The following WTAP variants were observed in gnomAD, a reference collection of about 807,000 sequenced individuals.
The protein encoded by WTAP is WT1 associated protein, also known as pre-mRNA-splicing regulator WTAP.
In WTAP, 8 loss-of-function variants were observed where a neutral mutation model predicts 50.0. That is an observed-to-expected ratio of 0.16 (90% CI 0.09 to 0.29). The LOEUF (loss-of-function observed/expected upper bound fraction) is 0.29. WTAP is among the 10% of genes least tolerant of loss of function. WTAP has a pLI of 1.00. For synonymous variants in WTAP, 194 were observed against 169.0 expected, an observed-to-expected ratio of 1.15 and a Z score of -1.15; for missense variants, 295 against 470.7, an observed-to-expected ratio of 0.63 and a Z score of 3.45.
intron 4 of WTAP, 29 bp from the exon 5 acceptor site, chr6:159,743,636 G>A (rs1347326685): frequency 6.4e-7 from 1 of 1,564,176 alleles, no homozygotes. Context: ...TCTTAAAATT[G>A]TATTTATAAT....
At chr6:159,727,837 C>T (rs1044371635) in intron 1 of WTAP, 134 bp downstream of exon 1, 6 of 605,166 alleles carry the variant, frequency 9.9e-6, no homozygotes, top group Non-Finnish European at 6.2e-6. Flanking sequence ...GCACCGGTCT[C>T]TCGTGAGCCG....
At chr6:159,750,043 G>A (rs752957851) in intron 6 of WTAP, among the ~76,000 whole-genome samples, 47 of 152,324 alleles carry the variant, frequency 3.1e-4, no homozygotes, top group Non-Finnish European at 6.2e-4. Flanking sequence ...TTAGGGAACT[G>A]ATTGTGGGGC....
chr6:159,752,273 ATG>A (rs1779847836), intron 6 of WTAP, among the ~76,000 whole-genome samples: 2 of 152,228 alleles, frequency 1.3e-5, no homozygotes, highest in Non-Finnish European at 2.9e-5. Context: ...AAGGACAAGA[ATG>A]TCACACTGTC....
At chr6:159,735,608 G>C (rs924374783) in intron 1 of WTAP, among the ~76,000 whole-genome samples, 3 of 152,112 alleles carry the variant, frequency 2.0e-5, no homozygotes, top group Admixed American at 6.5e-5. Context: ...AATGAGCCAG[G>C]TGTGGTGGCA....
chr6:159,747,454 A>C (rs542562737), intron 5 of WTAP, among the ~76,000 whole-genome samples: 1 of 152,210 alleles, frequency 6.6e-6, no homozygotes, highest in Admixed American at 6.5e-5. Flanking sequence ...TTACAATTCT[A>C]TGATTCGGAT....
intron 1 of WTAP, among the ~76,000 whole-genome samples, chr6:159,732,612 A>G (rs1215136096): frequency 6.6e-6 from 1 of 152,170 alleles, no homozygotes; most frequent in Non-Finnish European, 1.5e-5. Flanking sequence ...AAGCAGGTGG[A>G]TTACCTGAGG....
chr6:159,755,744 T>C lies in WTAP; in HGVS notation c.*133T>C, dbSNP rs1331470743. The C allele has an allele frequency of 8.1e-5, 96 of 1,188,660 alleles. No homozygotes were observed. The highest frequency in any genetic ancestry group is 5.9e-4 in the South Asian group (17 of 28,766). 73.6% of individuals were successfully genotyped at this position (1,188,660 alleles called of 1,614,324 possible). A position where few individuals can be genotyped will look rare whatever the true frequency, so the allele number is the denominator to read the frequency against. On this transcript the variant is annotated 3_prime_UTR_variant, in exon 8 of 8. Coordinates refer to ENST00000621533, the MANE Select transcript of WTAP (RefSeq NM_001270531.2). ...TTTGGTTTTTTTTTGTTGTTTTTTTTCTTTGTTTTTTTTTTCTTTTCTTTT... is the reference window on the plus strand; with the variant it reads ...TTTGGTTTTTTTTTGTTGTTTTTTTCCTTTGTTTTTTTTTTCTTTTCTTTT...
Position 159,748,438 on chromosome 6 carries a change from AG to A in WTAP, c.452+70del. On this transcript the variant is annotated intron_variant, in intron 6 of 7. Transcript: ENST00000621533. This position sits in a 1 kb window ranked among gnomAD's most constrained non-coding sequence, Gnocchi z 5.6. Reference sequence around the variant, plus strand: ...CACTACGAGAAAGCTGTGGTGGGACAGCCAAGTACTCGTTTCCACACCAAGA... The same window carrying A: ...CACTACGAGAAAGCTGTGGTGGGACACCAAGTACTCGTTTCCACACCAAGA... 1.3e-6 allele frequency: 2 copies of A among 1,579,936 alleles called. No homozygotes were observed. Among genetic ancestry groups the A allele is most frequent in the Non-Finnish European group, 1.7e-6 (2 of 1,161,696 alleles).
chr6:159,749,111 A>G (rs1167536175), intron 6 of WTAP: 2 of 986,242 alleles, frequency 2.0e-6, no homozygotes, highest in Non-Finnish European at 2.4e-6. Context: ...TGTTCTTTGA[A>G]TGGTTGCAAA....
intron 1 of WTAP, among the ~76,000 whole-genome samples, chr6:159,734,333 T>A (rs115086776): frequency 0.015 from 2,229 of 146,596 alleles, 53 homozygotes; most frequent in African/African-American, 0.053. Flanking sequence ...TTCGAGATGA[T>A]GCCACAGCAC....
At chr6:159,742,832 GA>G (rs1779342635) in intron 4 of WTAP, among the ~76,000 whole-genome samples, 2 of 151,876 alleles carry the variant, frequency 1.3e-5, no homozygotes, top group African/African-American at 4.8e-5. Flanking sequence ...AAGGTGGGAA[GA>G]TCACTTGAGC....
chr6:159,754,717 GAAA>G (rs374510963), intron 7 of WTAP, among the ~76,000 whole-genome samples: 4 of 151,828 alleles, frequency 2.6e-5, no homozygotes, highest in East Asian at 1.9e-4. Context: ...ATAATGACAA[GAAA>G]AAAAATCTGT....
At position 159,755,511 on chromosome 6, in the gene WTAP, A is replaced by T. The variant is rs1299060279; in HGVS notation, c.1091A>T (p.Glu364Val). 1.2e-6 allele frequency: 2 copies of T among 1,614,164 alleles called. No homozygotes were observed. The highest frequency in any genetic ancestry group is 1.7e-6 in the Non-Finnish European group (2 of 1,180,030). The part of the protein sequence containing the change: ...NDTDSSHDPQ[E>V]EKAVSGKGNR... Reference sequence around the variant, plus strand: ...ACAGACTCCAGTCATGACCCTCAAGAGGAGAAAGCAGTGAGTGGGAAAGGT... The same window carrying T: ...ACAGACTCCAGTCATGACCCTCAAGTGGAGAAAGCAGTGAGTGGGAAAGGT... The change falls in exon 8 of 8, where the codon GAG (glutamate) becomes GTG (valine). Residue 364 changes from glutamate (E) to valine (V), a missense_variant. Coordinates refer to ENST00000621533, the MANE Select transcript of WTAP (RefSeq NM_001270531.2).
chr6:159,750,187 C>T (rs1374699444), intron 6 of WTAP, among the ~76,000 whole-genome samples: 1 of 152,082 alleles, frequency 6.6e-6, no homozygotes, highest in African/African-American at 2.4e-5. Context: ...TGCATTAAGG[C>T]TTTTGTAAAT....
chr6:159,732,260 G>A (rs986604558), intron 1 of WTAP, among the ~76,000 whole-genome samples: 1 of 152,074 alleles, frequency 6.6e-6, no homozygotes, highest in Non-Finnish European at 1.5e-5. Flanking sequence ...AATTTATATT[G>A]AACAGCATCC....
At chr6:159,729,468 C>T (rs1324855187) in intron 1 of WTAP, among the ~76,000 whole-genome samples, 4 of 152,138 alleles carry the variant, frequency 2.6e-5, no homozygotes, top group Admixed American at 2.6e-4. Context: ...AAATATATTG[C>T]TGTAAATATT....
intron 5 of WTAP, among the ~76,000 whole-genome samples, chr6:159,744,935 C>T (rs1237120947): frequency 6.6e-6 from 1 of 152,194 alleles, no homozygotes; most frequent in Admixed American, 6.5e-5. Context: ...ACTCCTTGGC[C>T]TCCCAAAACT....
intron 1 of WTAP, among the ~76,000 whole-genome samples, chr6:159,732,115 T>G (rs1778608643): frequency 6.6e-6 from 1 of 152,164 alleles, no homozygotes; most frequent in South Asian, 2.1e-4. Context: ...TCGCATCCCG[T>G]GAATGCTGTA....
At chr6:159,747,441 G>A (rs1183256643) in intron 5 of WTAP, among the ~76,000 whole-genome samples, 1 of 152,086 alleles carries the variant, frequency 6.6e-6, no homozygotes, top group Non-Finnish European at 1.5e-5. Context: ...TTACTTTCCA[G>A]CTTTACAATT....
Sources: gnomAD v4.1 joint callset for allele counts (sites outside exome capture counted in the v4.1 genomes callset) on GRCh38, gnomAD v4.1.1 for gene constraint, Gnocchi (gnomAD v3.1) non-coding constraint, MANE v1.5 for transcripts, NCBI Gene and HGNC (gene_info 2026-07-23, HGNC 2026-07-21) for gene names.